Variants in ENTPD7 observed in about 807,000 individuals in gnomAD.
The protein encoded by ENTPD7 is NTPDase 7.
Under a neutral mutation model 77.9 loss-of-function variants are expected in ENTPD7, and 53 were observed. That is an observed-to-expected ratio of 0.68 (90% CI 0.55 to 0.85). The LOEUF (loss-of-function observed/expected upper bound fraction) is 0.85, where lower values mean the gene tolerates loss of function less well. Among genes scored for constraint, ENTPD7 ranks in the 40% least tolerant of loss-of-function variants. The probability of loss-of-function intolerance (pLI) is 0.00; values close to 1 mark genes in which losing one functional copy is unlikely to be tolerated. For missense variants in ENTPD7, 636 were observed against 743.7 expected, an observed-to-expected ratio of 0.86 and a Z score of 1.68; for synonymous variants, 248 against 274.9, an observed-to-expected ratio of 0.90 and a Z score of 0.97.
rs766872009 is a variant in ENTPD7, at chr10:99,688,712, G to C, written c.671G>C (p.Gly224Ala). The C allele has an allele frequency of 8.7e-6, 14 of 1,613,964 alleles. No homozygotes were observed. In the Admixed American group the frequency reaches 2.3e-4, roughly 27 times the overall value. ...TACTTAGGGGTTTATGCATGGATTG[G>C]AATCAACTTTGTTTTGGGAAGATTC... ...GKQEGVYAWI[G>A]INFVLGRFDH... is the part of the protein sequence containing the mutation. The change falls in exon 7 of 13, where the codon GGA (glycine) becomes GCA (alanine). Residue 224 changes from glycine (G) to alanine (A), a missense_variant. Physicochemically the swap from Gly to Ala is moderately conservative, Grantham distance 60. This residue lies in a region of ENTPD7 where 486 missense variants were observed against 556.5 expected (regional missense o/e 0.87). Transcript: ENST00000370489.
At chr10:99,696,191 CACA>C in intron 9 of ENTPD7, 69 bp downstream of exon 9, 2 of 1,552,892 alleles carry the variant, frequency 1.3e-6, no homozygotes, top group Non-Finnish European at 1.8e-6. Flanking sequence ...GAGAAATACT[CACA>C]TCCTCCTAAG....
intron 11 of ENTPD7, 64 bp downstream of exon 11, chr10:99,701,122 G>C: frequency 7.7e-7 from 1 of 1,291,084 alleles, no homozygotes; most frequent in Admixed American, 1.7e-5. Context: ...TTATAATGGA[G>C]AGTGAGCAAT....
At chr10:99,684,365 T>C (rs1374331857) in intron 5 of ENTPD7, among the ~76,000 whole-genome samples, 1 of 152,218 alleles carries the variant, frequency 6.6e-6, no homozygotes. Flanking sequence ...ACTAGTAATT[T>C]GCATAACTAA....
chr10:99,680,196 G>A (rs1400857706), intron 5 of ENTPD7, among the ~76,000 whole-genome samples: 1 of 152,196 alleles, frequency 6.6e-6, no homozygotes. Context: ...GGACTAGTCA[G>A]AGAGCTCTGG....
rs781765244 is a variant in ENTPD7, at chr10:99,679,807, T to C, written c.480T>C (p.Pro160=). ...TGAGCTTTGCTGCTGCTCATGTGCC[T>C]GTGAAGAAGCACAAGGAGACCCCTC... ...PLLSFAAAHV[P]VKKHKETPLY... Residue 160 remains proline, a synonymous_variant, in exon 5 of 13, where the codon CCT becomes CCC. Coordinates refer to ENST00000370489, the MANE Select transcript of ENTPD7 (RefSeq NM_020354.5). The C allele has an allele frequency of 1.2e-5, 19 of 1,614,094 alleles. No homozygotes were observed. In the Admixed American group the frequency reaches 1.7e-4, roughly 14 times the overall value.
At chr10:99,679,624 T>C in intron 4 of ENTPD7, 101 bp from the exon 5 acceptor site, 1 of 1,475,774 alleles carries the variant, frequency 6.8e-7, no homozygotes, top group Non-Finnish European at 9.1e-7. Context: ...TAAATAAATG[T>C]TTAGGACCTT....
chr10:99,677,087 T>C (rs115554659), intron 3 of ENTPD7, among the ~76,000 whole-genome samples: 2,113 of 152,306 alleles, frequency 0.014, 53 homozygotes, highest in African/African-American at 0.048. Context: ...CAATAAACAC[T>C]GGCTAGATTG....
At chr10:99,688,999 A>G (rs2035847653) in intron 7 of ENTPD7, among the ~76,000 whole-genome samples, 1 of 152,166 alleles carries the variant, frequency 6.6e-6, no homozygotes, top group South Asian at 2.1e-4. Flanking sequence ...CTCAATATTT[A>G]CTAATGTTTT....
Position 99,691,519 on chromosome 10 carries a change from G to GTACTTTA in ENTPD7, c.843+2_843+8dup. 1.2e-6 allele frequency: 2 copies of GTACTTTA among 1,612,658 alleles called. No individual in the cohort carries two copies. Among genetic ancestry groups the GTACTTTA allele is most frequent in the Non-Finnish European group, 1.7e-6 (2 of 1,179,594 alleles). On this transcript the variant is annotated splice_donor_variant, in intron 8 of 12. Transcript: ENST00000370489. LOFTEE classifies it high-confidence loss of function. ...AACCTCTGTCCTTCCTGCAAAGCAG[G>GTACTTTA]TACTTTACCTTTTAGGGAAATTTAG...
At position 99,709,183 on chromosome 10, in the gene ENTPD7, C is replaced by G. The variant is rs1436847811; in HGVS notation, c.*4500C>G. ...ATGAAGGTATAAATGCCTATTACATCTACCTCATTAAAGAACTTCGTTGTA... is the reference window on the plus strand; with the variant it reads ...ATGAAGGTATAAATGCCTATTACATGTACCTCATTAAAGAACTTCGTTGTA... On this transcript the variant is annotated 3_prime_UTR_variant, in exon 13 of 13. Transcript: ENST00000370489. The G allele has an allele frequency of 3.0e-6, 3 of 985,278 alleles. No homozygotes were observed. The highest frequency in any genetic ancestry group is 3.6e-6 in the Non-Finnish European group (3 of 829,920). 61.0% of individuals were successfully genotyped at this position (985,278 alleles called of 1,614,324 possible).
At position 99,679,313 on chromosome 10, in the gene ENTPD7, C is replaced by G. The variant is rs1442187370; in HGVS notation, c.244C>G (p.Leu82Val). 1 of 1,614,046 alleles carries G rather than the reference C, an allele frequency of 6.2e-7. No individual in the cohort carries two copies. Among genetic ancestry groups the G allele is most frequent in the Non-Finnish European group, 8.5e-7 (1 of 1,180,034 alleles). Residue 82 changes from leucine (L) to valine (V), a missense_variant, in exon 4 of 13, where the codon CTG becomes GTG. Transcript: ENST00000370489. ...AGCTACTGACACTGAAGACCCAAAT[C>G]TGAATTATGGACTTGTTGTTGACTG... ...LEATDTEDPN[L>V]NYGLVVDCGS...
intron 12 of ENTPD7, among the ~76,000 whole-genome samples, chr10:99,703,153 G>A (rs1273339265): frequency 6.6e-6 from 1 of 152,218 alleles, no homozygotes; most frequent in East Asian, 1.9e-4. Flanking sequence ...AATAAAGGAC[G>A]TGAGATGTTT....
chr10:99,704,553 T>C lies in ENTPD7; in HGVS notation c.1685T>C (p.Leu562Pro), dbSNP rs1564638138. 6.2e-7 allele frequency: 1 copy of C among 1,614,222 alleles called. No individual in the cohort carries two copies. Among genetic ancestry groups the C allele is most frequent in the South Asian group, 1.1e-5 (1 of 91,082 alleles). ...YLFFACILVV[L>P]LAIFLYLLRL... ...TTCTTTGCCTGTATCCTGGTGGTGC[T>C]ACTGGCCATCTTCCTATACCTTCTG... Residue 562 changes from leucine (L) to proline (P), a missense_variant, in exon 13 of 13, where the codon CTA (leucine) becomes CCA (proline). Leu to Pro is a moderately conservative substitution (Grantham distance 98). Around this residue, in one of 3 missense-constraint regions of ENTPD7, gnomAD observed 138 missense variants for 150.9 expected, o/e 0.91. Coordinates refer to ENST00000370489, the MANE Select transcript of ENTPD7 (RefSeq NM_020354.5).
chr10:99,662,564 A>G (rs1228178901), intron 3 of ENTPD7, among the ~76,000 whole-genome samples: 1 of 152,226 alleles, frequency 6.6e-6, no homozygotes, highest in Non-Finnish European at 1.5e-5. Context: ...TGTCTTTTGA[A>G]GAGATTTTCA....
chr10:99,701,047 G>A lies in ENTPD7; in HGVS notation c.1410G>A (p.Glu470=). 6.2e-7 allele frequency: 1 copy of A among 1,613,808 alleles called. No homozygotes were observed. Among genetic ancestry groups the A allele is most frequent in the Non-Finnish European group, 8.5e-7 (1 of 1,179,706 alleles). ...KNGLFSSHAD[E]HRLKYQCFKS... The stretch of plus-strand genomic sequence containing the variant: ...GCCTCTTTTCATCACATGCAGATGA[G>A]CATCGACTCAAGTAAGTTACTTCCC... Residue 470 remains glutamate, a synonymous_variant, in exon 11 of 13, where the codon GAG becomes GAA. Transcript: ENST00000370489.
rs371187028 is a variant in ENTPD7 at position 99,665,098 on chromosome 10, A to G, written c.191+3470A>G. 1.2e-4 allele frequency among the ~76,000 whole-genome samples: 19 copies of G among 152,156 alleles called. No homozygotes were observed. In the East Asian group the frequency reaches 1.8e-3, roughly 14 times the overall value. ...AAACTCTGTCTCTACAAAAAAATAT[A>G]AAAATTAGCCAGGCATGGTAGCATG... On this transcript the variant is annotated intron_variant, in intron 3 of 12. Coordinates refer to ENST00000370489, the MANE Select transcript of ENTPD7 (RefSeq NM_020354.5).
At chr10:99,702,922 G>C (rs751494489) in intron 12 of ENTPD7, among the ~76,000 whole-genome samples, 1 of 152,134 alleles carries the variant, frequency 6.6e-6, no homozygotes, top group African/African-American at 2.4e-5. Context: ...CAGAAATCCA[G>C]CTTTATTTGT....
chr10:99,664,523 C>A (rs1311015977), intron 3 of ENTPD7, among the ~76,000 whole-genome samples: 1 of 150,220 alleles, frequency 6.7e-6, no homozygotes, highest in African/African-American at 2.5e-5. Context: ...TGTCTCAGCT[C>A]ACTGCATCCT....
intron 11 of ENTPD7, among the ~76,000 whole-genome samples, chr10:99,701,560 T>G (rs1011045350): frequency 6.6e-6 from 1 of 151,620 alleles, no homozygotes; most frequent in Non-Finnish European, 1.5e-5. Flanking sequence ...AGTGCTAGGA[T>G]TACAGGTATG....
Sources: allele counts gnomAD v4.1 joint callset (sites outside exome capture counted in the v4.1 genomes callset), GRCh38; gene constraint gnomAD v4.1.1; regional missense constraint gnomAD v4.1.1; transcripts MANE v1.5; gene names NCBI Gene and HGNC (gene_info 2026-07-23, HGNC 2026-07-21).